The following RYR1 variants were observed in gnomAD, a reference collection of about 807,000 sequenced individuals.
RYR1 encodes the protein ryanodine receptor 1.
Under a neutral mutation model 583.5 loss-of-function variants are expected in RYR1, and 342 were observed. That is an observed-to-expected ratio of 0.59 (90% confidence interval 0.54 to 0.64). The LOEUF (loss-of-function observed/expected upper bound fraction) is 0.64. Among genes scored for constraint, RYR1 ranks in the 30% least tolerant of loss-of-function variants. The probability of loss-of-function intolerance (pLI) is 0.00; values close to 1 mark genes in which losing one functional copy is unlikely to be tolerated. For missense variants in RYR1, 6,032 were observed against 6,917.2 expected (o/e 0.87, Z 4.54); for synonymous variants, 2,791 against 2,822.5 (o/e 0.99, Z 0.35).
At chr19:38,438,104 G>A in intron 1 of RYR1, among the ~76,000 whole-genome samples, 1 of 151,264 alleles carries the variant, frequency 6.6e-6, no homozygotes, top group Non-Finnish European at 1.5e-5. Flanking sequence ...CTCCTGTGCT[G>A]TCCCTCAACA....
intron 65 of RYR1, 76 bp from the exon 66 acceptor site, chr19:38,517,283 T>C: frequency 7.1e-7 from 1 of 1,416,994 alleles, no homozygotes; most frequent in Admixed American, 1.8e-5. Flanking sequence ...GTGTCTGATG[T>C]ATTGCGGGGG....
At chr19:38,455,037 C>G (rs376371692) in intron 13 of RYR1, among the ~76,000 whole-genome samples, 198 bp from the exon 14 acceptor site, 4 of 151,982 alleles carry the variant, frequency 2.6e-5, no homozygotes, top group African/African-American at 9.6e-5. Context: ...TCAGAGAGGA[C>G]AAGAATAGAT....
chr19:38,477,198 A>G (rs2145500138), intron 29 of RYR1, among the ~76,000 whole-genome samples: 1 of 152,266 alleles, frequency 6.6e-6, no homozygotes, highest in South Asian at 2.1e-4. Context: ...GCTGGAGTGC[A>G]GTGGCACGAT....
In RYR1 at chr19:38,512,418, T is replaced by G; in HGVS notation, c.9407T>G (p.Leu3136Arg). Reference sequence around the variant, plus strand: ...AACCTCACCTACACCACTGTGGCACTGCTGCCGGTCCTCACCACCCTCTTC... The same window carrying G: ...AACCTCACCTACACCACTGTGGCACGGCTGCCGGTCCTCACCACCCTCTTC... ...GQNLTYTTVA[L>R]LPVLTTLFQH... Residue 3136 changes from leucine (L) to arginine (R), a missense_variant, in exon 63 of 106, where the codon CTG becomes CGG. By Grantham distance (102) the Leu-to-Arg change is moderately radical. This residue lies in a region of RYR1 where 1,493 missense variants were observed against 1,715.5 expected (regional missense o/e 0.87). Coordinates refer to ENST00000359596, the MANE Select transcript of RYR1 (RefSeq NM_000540.3). The surrounding 1 kb of genome is among the most constrained non-coding windows in gnomAD (Gnocchi z 5.1). 6.2e-7 allele frequency: 1 copy of G among 1,613,870 alleles called. No individual in the cohort carries two copies. Among genetic ancestry groups the G allele is most frequent in the Non-Finnish European group, 8.5e-7 (1 of 1,180,038 alleles).
At chr19:38,490,365 C>G (rs1028794118) in intron 36 of RYR1, 89 bp downstream of exon 36, 5 of 1,303,840 alleles carry the variant, frequency 3.8e-6, no homozygotes, top group Non-Finnish European at 5.4e-6. Flanking sequence ...CCCTCAACCT[C>G]TAAACCCGTG....
chr19:38,468,793 T>G (rs1968260135), intron 25 of RYR1, among the ~76,000 whole-genome samples, 173 bp from the exon 26 acceptor site: 1 of 152,208 alleles, frequency 6.6e-6, no homozygotes, highest in South Asian at 2.1e-4. Context: ...TGATCATGGA[T>G]GCAAATGTGA....
intron 42 of RYR1, among the ~76,000 whole-genome samples, chr19:38,497,184 A>G: frequency 6.7e-6 from 1 of 149,114 alleles, no homozygotes; most frequent in African/African-American, 2.5e-5. Context: ...GTCTGGGGGC[A>G]GGTCCACAGT....
intron 87 of RYR1, among the ~76,000 whole-genome samples, chr19:38,544,516 A>G (rs1419234803): frequency 6.6e-6 from 1 of 152,182 alleles, no homozygotes. Context: ...TTCACATCCT[A>G]CACATAATGG....
intron 93 of RYR1, among the ~76,000 whole-genome samples, chr19:38,569,777 A>C (rs370968127): frequency 1.1e-3 from 175 of 152,310 alleles, no homozygotes; most frequent in African/African-American, 4.0e-3. Flanking sequence ...GCATAACAGT[A>C]GTGCCCACTT....
intron 97 of RYR1, among the ~76,000 whole-genome samples, chr19:38,577,134 C>T (rs1599658623): frequency 6.6e-6 from 1 of 152,084 alleles, no homozygotes; most frequent in East Asian, 2.0e-4. Flanking sequence ...GATCCACCCG[C>T]CTCGGCCTCC....
In RYR1 at chr19:38,473,786, G is replaced by T. The variant is rs1304572665; in HGVS notation, c.4160+15G>T. The T allele has an allele frequency of 2.7e-6, 4 of 1,497,820 alleles. No individual in the cohort carries two copies. The highest frequency in any genetic ancestry group is 2.8e-5 in the African/African-American group (2 of 70,754). 92.8% of individuals were successfully genotyped at this position (1,497,820 alleles called of 1,614,324 possible). On this transcript the variant is annotated intron_variant, in intron 28 of 105. Transcript: ENST00000359596. ...AAGAAGAGAGGGTGAGTCGAGGGGG[G>T]CCCAGAGTGGGGATTGGGGGCTGCC...
At chr19:38,560,295 G>A (rs563896917) in intron 89 of RYR1, among the ~76,000 whole-genome samples, 1 of 152,068 alleles carries the variant, frequency 6.6e-6, no homozygotes, top group Non-Finnish European at 1.5e-5. Flanking sequence ...CCTGGGAGGT[G>A]GAGGCTGCAA....
intron 87 of RYR1, 76 bp from the exon 88 acceptor site, chr19:38,546,369 G>A: frequency 7.8e-7 from 1 of 1,282,440 alleles, no homozygotes; most frequent in Non-Finnish European, 1.1e-6. Flanking sequence ...CTGCTGGGTA[G>A]GTGAGGAGGG....
At chr19:38,456,779 G>T (rs1967418661) in intron 16 of RYR1, among the ~76,000 whole-genome samples, 1 of 149,800 alleles carries the variant, frequency 6.7e-6, no homozygotes, top group South Asian at 2.1e-4. Context: ...GGGCATGGTG[G>T]CTCACGCCTG....
At chr19:38,579,355 G>T (rs1172926137) in intron 99 of RYR1, among the ~76,000 whole-genome samples, 1 of 151,306 alleles carries the variant, frequency 6.6e-6, no homozygotes, top group African/African-American at 2.4e-5. Context: ...AACCCGGGAG[G>T]CGGAGGTTGC....
intron 7 of RYR1, among the ~76,000 whole-genome samples, chr19:38,445,398 C>A (rs776984730): frequency 6.6e-6 from 1 of 151,724 alleles, no homozygotes; most frequent in Non-Finnish European, 1.5e-5. Flanking sequence ...TCCCAAAAAC[C>A]AAAATCCACC....
At chr19:38,528,770 TC>T in intron 75 of RYR1, 75 bp downstream of exon 75, 2 of 1,513,456 alleles carry the variant, frequency 1.3e-6, no homozygotes, top group Non-Finnish European at 9.2e-7. Flanking sequence ...TTGGCACACC[TC>T]CAGGGGTCGG....
chr19:38,511,831 C>G (rs1279964349), intron 61 of RYR1, among the ~76,000 whole-genome samples: 1 of 152,096 alleles, frequency 6.6e-6, no homozygotes, highest in Non-Finnish European at 1.5e-5. Flanking sequence ...AGACCTATCT[C>G]CAGACAAGGA....
chr19:38,443,746 C>G lies in RYR1; in HGVS notation c.374C>G (p.Ser125Cys), dbSNP rs904309560. 1.2e-6 allele frequency: 2 copies of G among 1,614,154 alleles called. No homozygotes were observed. The highest frequency in any genetic ancestry group is 1.3e-5 in the African/African-American group (1 of 75,032). ...MYLSCLTTSRSMTDKLAFDVG... is the reference protein window; with the variant it reads ...MYLSCLTTSRCMTDKLAFDVG... ...CTGAGCTGCCTCACCACCTCCCGCT[C>G]CATGACTGACAAGCTGGCCTTCGAT... The change falls in exon 5 of 106, where the codon TCC (serine) becomes TGC (cysteine). Residue 125 changes from serine (S) to cysteine (C), a missense_variant. Coordinates refer to ENST00000359596, the MANE Select transcript of RYR1 (RefSeq NM_000540.3).
Sources: allele counts gnomAD v4.1 joint callset (sites outside exome capture counted in the v4.1 genomes callset), GRCh38; gene constraint gnomAD v4.1.1; regional missense constraint gnomAD v4.1.1; non-coding constraint Gnocchi (gnomAD v3.1); transcripts MANE v1.5; gene names NCBI Gene and HGNC (gene_info 2026-07-23, HGNC 2026-07-21).